NCAPD3: variants seen among roughly 807,000 people sequenced by gnomAD.
NCAPD3 encodes the protein non-SMC condensin II complex subunit D3.
A neutral mutation model predicts 182.9 loss-of-function variants in NCAPD3; 105 were observed. The observed-to-expected ratio is 0.57, with a 90% CI of 0.49 to 0.68. The LOEUF is 0.68. NCAPD3 is among the 30% of genes least tolerant of loss of function. The pLI is 0.00. For synonymous variants in NCAPD3, 815 were observed against 679.9 expected (o/e 1.20, Z -3.09); for missense variants, 1,944 against 1,837.0 (o/e 1.06, Z -1.07).
intron 1 of NCAPD3, chr11:134,223,387 T>C: frequency 2.9e-6 from 2 of 701,658 alleles, no homozygotes; most frequent in Non-Finnish European, 5.2e-6. Flanking sequence ...GACTCCTGGG[T>C]TGGTGGCTTG....
Position 134,202,894 on chromosome 11 carries a change from G to T in NCAPD3, c.1537C>A (p.Gln513Lys), listed in dbSNP as rs201051337. ...LLRNSSAFSY[Q>K]RQTSNRSEPS... Reference sequence around the variant, plus strand: ...TCGGAACGGTTAGATGTCTGCCTTTGGTAGGAAAAAGCTTTAAAAAAAAAA... The same window carrying T: ...TCGGAACGGTTAGATGTCTGCCTTTTGTAGGAAAAAGCTTTAAAAAAAAAA... Residue 513 changes from glutamine to lysine, a missense_variant, in exon 13 of 35, where the codon CAA becomes AAA. By Grantham distance (53) the Gln-to-Lys change is moderately conservative. This residue lies in a region of NCAPD3 where 1,803 missense variants were observed against 1,674.6 expected (regional missense o/e 1.08). Coordinates refer to ENST00000534548, the MANE Select transcript of NCAPD3 (RefSeq NM_015261.3). 1 of 1,600,854 alleles carries T rather than the reference G, an allele frequency of 6.2e-7. No individual in the cohort carries two copies. Among genetic ancestry groups the T allele is most frequent in the East Asian group, 2.2e-5 (1 of 44,794 alleles).
intron 27 of NCAPD3, among the ~76,000 whole-genome samples, chr11:134,166,730 T>C (rs1227589682): frequency 2.1e-5 from 2 of 96,960 alleles, no homozygotes; most frequent in African/African-American, 8.8e-5. Context: ...CACACTCACT[T>C]GTGAGATGAG....
intron 27 of NCAPD3, among the ~76,000 whole-genome samples, chr11:134,163,313 C>G (rs979329670): frequency 5.9e-5 from 9 of 152,192 alleles, no homozygotes; most frequent in African/African-American, 2.2e-4. Flanking sequence ...AGACCACTCA[C>G]CATCTATCAC....
chr11:134,160,250 A>G (rs1424958732), intron 28 of NCAPD3, among the ~76,000 whole-genome samples, 176 bp from the exon 29 acceptor site: 2 of 152,208 alleles, frequency 1.3e-5, no homozygotes, highest in Non-Finnish European at 2.9e-5. Context: ...TGCTTGATAA[A>G]TCATAGGAAC....
At chr11:134,177,681 G>T in intron 22 of NCAPD3, 1 of 556,882 alleles carries the variant, frequency 1.8e-6, no homozygotes, top group East Asian at 2.9e-5. Context: ...TATACTATGG[G>T]ATGTTCCTTT....
rs144677005 is a variant in NCAPD3 at position 134,185,428 on chromosome 11, G to C, written c.2144C>G (p.Ser715Trp). ...NVISHTGTEH[S>W]APAWMLLSKI... Reference sequence around the variant, plus strand: ...GGAGAGCAGCATCCAGGCAGGTGCCGAATGTTCCGTGCCAGTGTGAGATAT... The same window carrying C: ...GGAGAGCAGCATCCAGGCAGGTGCCCAATGTTCCGTGCCAGTGTGAGATAT... Residue 715 changes from serine (S) to tryptophan (W), a missense_variant, in exon 17 of 35, where the codon TCG becomes TGG. Around this residue, in one of 3 missense-constraint regions of NCAPD3, gnomAD observed 1,803 missense variants for 1,674.6 expected, o/e 1.08. Transcript: ENST00000534548. 1.9e-6 allele frequency: 3 copies of C among 1,614,056 alleles called. No individual in the cohort carries two copies. The highest frequency in any genetic ancestry group is 1.7e-5 in the Admixed American group (1 of 60,008).
intron 24 of NCAPD3, among the ~76,000 whole-genome samples, chr11:134,174,473 A>G (rs1944109746): frequency 6.6e-6 from 1 of 151,668 alleles, no homozygotes; most frequent in Admixed American, 6.6e-5. Context: ...ATCAAAAGTC[A>G]GGCACAGAAA....
At chr11:134,198,719 C>A (rs567591278) in intron 13 of NCAPD3, among the ~76,000 whole-genome samples, 42 of 152,206 alleles carry the variant, frequency 2.8e-4, no homozygotes, top group African/African-American at 9.9e-4. Context: ...AAGGAATCCA[C>A]AAAACAATCA....
rs529352481 is a variant in NCAPD3 at position 134,211,855 on chromosome 11, G to C, written c.383-1401C>G. On this transcript the variant is annotated intron_variant, in intron 3 of 34. Coordinates refer to ENST00000534548, the MANE Select transcript of NCAPD3 (RefSeq NM_015261.3). ...AAACCAAAAAGCTAATAAAGACTCA[G>C]TGACCCATGGGAGAACATCGTGCAG... is the stretch of plus-strand genomic sequence containing the variant. Among the ~76,000 whole-genome samples the C allele has an allele frequency of 1.5e-4, 23 of 152,278 alleles. No homozygotes were observed. The South Asian group carries it at 4.6e-3, about 30-fold the overall frequency.
intron 19 of NCAPD3, among the ~76,000 whole-genome samples, chr11:134,184,008 A>C (rs1944348077): frequency 6.6e-6 from 1 of 152,248 alleles, no homozygotes; most frequent in African/African-American, 2.4e-5. Flanking sequence ...TCTCATGATA[A>C]AAACAGAATA....
In NCAPD3 at chr11:134,152,747, A is replaced by ATTAT. The variant is rs1943288740; in HGVS notation, c.*193_*196dup. The ATTAT allele has an allele frequency of 2.1e-6, 1 of 476,518 alleles. No individual in the cohort carries two copies. Among genetic ancestry groups the ATTAT allele is most frequent in the Non-Finnish European group, 3.7e-6 (1 of 272,354 alleles). The allele number at this position is 476,518 out of a possible 1,614,324, so 29.5% of individuals were successfully genotyped here. A position where few individuals can be genotyped will look rare whatever the true frequency, so the allele number is the denominator to read the frequency against. On this transcript the variant is annotated 3_prime_UTR_variant, in exon 35 of 35. Coordinates refer to ENST00000534548, the MANE Select transcript of NCAPD3 (RefSeq NM_015261.3). The stretch of plus-strand genomic sequence containing the variant: ...GAAAATCTAAATCTGGCACATCTCT[A>ATTAT]TTATTTGACAGTGTTTAACCAAATA...
At position 134,153,636 on chromosome 11, in the gene NCAPD3, C is replaced by T. The variant is rs74886059; in HGVS notation, c.4253-273G>A. On this transcript the variant is annotated intron_variant, in intron 32 of 34. Coordinates refer to ENST00000534548, the MANE Select transcript of NCAPD3 (RefSeq NM_015261.3). ...CTGTTCACGCCTCTGGCTTCCCTCCCGCCGTCTTCCATCATTGCCCCTGTC... is the reference window on the plus strand; with the variant it reads ...CTGTTCACGCCTCTGGCTTCCCTCCTGCCGTCTTCCATCATTGCCCCTGTC... The T allele has an allele frequency of 5.5e-3, 2,795 of 506,102 alleles. 59 individuals are homozygous for T. The highest frequency in any genetic ancestry group is 0.046 in the African/African-American group (2,400 of 52,004). 31.4% of individuals were successfully genotyped at this position (506,102 alleles called of 1,614,324 possible). A position where few individuals can be genotyped will look rare whatever the true frequency, so the allele number is the denominator to read the frequency against.
rs1028205649 is a variant in NCAPD3 at position 134,161,701 on chromosome 11, T to C, written c.3684+80A>G. 3.6e-6 allele frequency: 3 copies of C among 823,554 alleles called. No individual in the cohort carries two copies. The African/African-American group carries it at 5.2e-5, about 14-fold the overall frequency. The allele number at this position is 823,554 out of a possible 1,614,324, so 51.0% of individuals were successfully genotyped here. A position where few individuals can be genotyped will look rare whatever the true frequency, so the allele number is the denominator to read the frequency against. ...GGGTTCTAATCATTCACGGATTGCC[T>C]GCACTGTCATAACTGGCAGAAGATC... On this transcript the variant is annotated intron_variant, in intron 28 of 34. Coordinates refer to ENST00000534548, the MANE Select transcript of NCAPD3 (RefSeq NM_015261.3).
intron 31 of NCAPD3, 115 bp from the exon 32 acceptor site, chr11:134,157,210 C>A: frequency 2.7e-6 from 2 of 727,936 alleles, no homozygotes; most frequent in Non-Finnish European, 4.3e-6. Flanking sequence ...CTAGTGTTTA[C>A]AATTTTCTTA....
Position 134,176,308 on chromosome 11 carries a change from T to G in NCAPD3, c.3100A>C (p.Ser1034Arg). The change falls in exon 24 of 35, where the codon AGC (serine) becomes CGC (arginine). Residue 1034 changes from serine (S) to arginine (R), a missense_variant and splice_region_variant. By Grantham distance (110) the Ser-to-Arg change is moderately radical. Transcript: ENST00000534548. Reference protein sequence around the residue: ...TLIDSHPDIASFGEFCLAHLL... With the variant: ...TLIDSHPDIARFGEFCLAHLL... ...GTCTGACGTGAGGAAAAGATTTACCTGGCAATGTCTGGGTGTGAATCGATC... is the reference window on the plus strand; with the variant it reads ...GTCTGACGTGAGGAAAAGATTTACCGGGCAATGTCTGGGTGTGAATCGATC... 1 of 1,613,392 alleles carries G rather than the reference T, an allele frequency of 6.2e-7. No homozygotes were observed. Among genetic ancestry groups the G allele is most frequent in the Non-Finnish European group, 8.5e-7 (1 of 1,179,300 alleles).
intron 31 of NCAPD3, 28 bp downstream of exon 31, chr11:134,157,900 T>C: frequency 1.3e-6 from 2 of 1,598,840 alleles, no homozygotes; most frequent in Non-Finnish European, 1.7e-6. Context: ...AATGCTCTAC[T>C]GTGTCTGGCA....
At position 134,220,650 on chromosome 11, in the gene NCAPD3, T is replaced by C; in HGVS notation, c.141A>G (p.Ile47Met). The C allele has an allele frequency of 6.2e-7, 1 of 1,614,096 alleles. No homozygotes were observed. Among genetic ancestry groups the C allele is most frequent in the South Asian group, 1.1e-5 (1 of 91,086 alleles). The stretch of plus-strand genomic sequence containing the variant: ...TTGTGAATGCAGCCAATCCAGTCTC[T>C]ATGATCTCTGCTTCTATGCTGGGAT... ...PLDPSIEAEI[I>M]ETGLAAFTKL... Residue 47 changes from isoleucine to methionine, a missense_variant, in exon 2 of 35, where the codon ATA becomes ATG. Coordinates refer to ENST00000534548, the MANE Select transcript of NCAPD3 (RefSeq NM_015261.3).
chr11:134,156,144 A>C (rs1024796038), intron 32 of NCAPD3, among the ~76,000 whole-genome samples: 1 of 152,182 alleles, frequency 6.6e-6, no homozygotes, highest in Non-Finnish European at 1.5e-5. Flanking sequence ...AAGAGTTGGG[A>C]CCAGAAGGCC....
chr11:134,221,018 T>TCAGG lies in NCAPD3; in HGVS notation c.65-296_65-293dup, dbSNP rs1938208230. On this transcript the variant is annotated intron_variant, in intron 1 of 34. Transcript: ENST00000534548. ...AAGGACACTTCAAAACATTCAGTGA[T>TCAGG]CAGGCTTTCCCACATGTTCAATCTA... 2.0e-5 allele frequency among the ~76,000 whole-genome samples: 3 copies of TCAGG among 152,232 alleles called. No individual in the cohort carries two copies. The South Asian group carries it at 6.2e-4, about 32-fold the overall frequency.
Sources: gnomAD v4.1 joint callset for allele counts (sites outside exome capture counted in the v4.1 genomes callset) on GRCh38, gnomAD v4.1.1 for gene constraint, gnomAD v4.1.1 regional missense constraint, MANE v1.5 for transcripts, NCBI Gene and HGNC (gene_info 2026-07-23, HGNC 2026-07-21) for gene names.